Variants in NACC2 observed in about 807,000 individuals in gnomAD.
The protein encoded by NACC2 is nucleus accumbens-associated protein 2.
A neutral mutation model predicts 25.1 loss-of-function variants in NACC2; 8 were observed. That is an observed-to-expected ratio of 0.32 (90% CI 0.19 to 0.57). The LOEUF (loss-of-function observed/expected upper bound fraction) is 0.57, where lower values mean the gene tolerates loss of function less well. Among genes scored for constraint, NACC2 ranks in the 20% least tolerant of loss-of-function variants. NACC2 has a pLI of 0.89. For missense variants in NACC2, 644 were observed against 650.2 expected, an observed-to-expected ratio of 0.99 and a Z score of 0.10; for synonymous variants, 435 against 294.7, an observed-to-expected ratio of 1.48 and a Z score of -4.88.
At position 136,019,920 on chromosome 9, in the gene NACC2, G is replaced by A. The variant is rs749383559; in HGVS notation, c.887-3491C>T. On this transcript the variant is annotated intron_variant, in intron 2 of 5. Coordinates refer to ENST00000277554, the MANE Select transcript of NACC2 (RefSeq NM_144653.5). The surrounding 1 kb of genome is among the most constrained non-coding windows in gnomAD (Gnocchi z 5.2). ...TGCCAGACACAGAAGGACACATCCC[G>A]GGGCTCCACTCGCAGGCGGCCCCCA... Among the ~76,000 whole-genome samples the A allele has an allele frequency of 1.2e-4, 18 of 152,030 alleles. No individual in the cohort carries two copies. Among genetic ancestry groups the A allele is most frequent in the Non-Finnish European group, 2.4e-4 (16 of 68,002 alleles).
chr9:136,093,810 T>G (rs746453944), intron 1 of NACC2, among the ~76,000 whole-genome samples: 25 of 106,164 alleles, frequency 2.4e-4, no homozygotes, highest in Non-Finnish European at 4.5e-4. Context: ...GGTGGGTGGC[T>G]GAGAGGTGGC....
At chr9:136,070,426 G>A (rs1841136001) in intron 1 of NACC2, among the ~76,000 whole-genome samples, 1 of 151,762 alleles carries the variant, frequency 6.6e-6, no homozygotes, top group African/African-American at 2.4e-5. Flanking sequence ...AGAACTACTT[G>A]AACCCGGGAA....
rs979305346 is a variant in NACC2 at position 136,011,640 on chromosome 9, G to A, written c.1640C>T (p.Pro547Leu). The change falls in exon 6 of 6, where the codon CCG (proline) becomes CTG (leucine). Residue 547 changes from proline to leucine, a missense_variant. Physicochemically the swap from Pro to Leu is moderately conservative, Grantham distance 98 (BLOSUM62 -3). Transcript: ENST00000277554. ...GGGGCTCTGGCCATCGGCGGGCAGCGGCTCGGGGGCGGCCACCTCCTGGAT... is the reference window on the plus strand; with the variant it reads ...GGGGCTCTGGCCATCGGCGGGCAGCAGCTCGGGGGCGGCCACCTCCTGGAT... Reference protein sequence around the residue: ...SVIQEVAAPEPLPADGQSPPQ... With the variant: ...SVIQEVAAPELLPADGQSPPQ... 12 of 1,397,656 alleles carry A rather than the reference G, an allele frequency of 8.6e-6. No homozygotes were observed. Among genetic ancestry groups the A allele is most frequent in the African/African-American group, 6.1e-5 (4 of 65,542 alleles). 86.6% of individuals were successfully genotyped at this position (1,397,656 alleles called of 1,614,324 possible).
chr9:136,069,142 G>A lies in NACC2; in HGVS notation c.-59-18562C>T, dbSNP rs183404829. On this transcript the variant is annotated intron_variant, in intron 1 of 5. Transcript: ENST00000277554. ...AGGCTGGTCTCAAACTCCTGACCTT[G>A]TGATCTGCCCGCCTCGGCCTCCCAA... Among the ~76,000 whole-genome samples the A allele has an allele frequency of 4.9e-4, 72 of 147,178 alleles. No individual in the cohort carries two copies. In the East Asian group the frequency reaches 0.013, roughly 27 times the overall value.
Position 136,050,303 on chromosome 9 carries a change from C to T in NACC2, c.219G>A (p.Val73=). Residue 73 remains valine, a synonymous_variant, in exon 2 of 6, where the codon GTG becomes GTA. Coordinates refer to ENST00000277554, the MANE Select transcript of NACC2 (RefSeq NM_144653.5). ...GGATCTGCTGGAAGCAGGCGGGCGGCACGGAGCCGGGCAGCTCGAAGGCGC... is the reference window on the plus strand; with the variant it reads ...GGATCTGCTGGAAGCAGGCGGGCGGTACGGAGCCGGGCAGCTCGAAGGCGC... ...SKSAFELPGS[V]PPACFQQILS... The T allele has an allele frequency of 2.7e-6, 2 of 745,308 alleles. No individual in the cohort carries two copies. The highest frequency in any genetic ancestry group is 2.5e-6 in the Non-Finnish European group (1 of 404,598). The allele number at this position is 745,308 out of a possible 1,614,324, so 46.2% of individuals were successfully genotyped here. A position where few individuals can be genotyped will look rare whatever the true frequency, so the allele number is the denominator to read the frequency against.
At chr9:136,017,103 C>A (rs1347534008) in intron 2 of NACC2, among the ~76,000 whole-genome samples, 2 of 152,144 alleles carry the variant, frequency 1.3e-5, no homozygotes, top group Non-Finnish European at 2.9e-5. Flanking sequence ...TTGCCAATAG[C>A]CAGGCTGGCC....
At chr9:136,077,062 C>G (rs568958762) in intron 1 of NACC2, among the ~76,000 whole-genome samples, 1 of 151,436 alleles carries the variant, frequency 6.6e-6, no homozygotes, top group Non-Finnish European at 1.5e-5. Context: ...CGCCTGTAGT[C>G]CCAGCCACTT....
chr9:136,034,412 A>G (rs1840521829), intron 2 of NACC2, among the ~76,000 whole-genome samples: 1 of 151,952 alleles, frequency 6.6e-6, no homozygotes, highest in African/African-American at 2.4e-5. Flanking sequence ...GTCAGGAAGA[A>G]CCCCAGAGTG....
At chr9:136,058,574 GAAC>G (rs1840962961) in intron 1 of NACC2, among the ~76,000 whole-genome samples, 1 of 152,182 alleles carries the variant, frequency 6.6e-6, no homozygotes, top group Non-Finnish European at 1.5e-5. Context: ...CAGACTCTAG[GAAC>G]AACAGGATGA....
chr9:136,067,703 C>A (rs573430146), intron 1 of NACC2, among the ~76,000 whole-genome samples: 1 of 152,086 alleles, frequency 6.6e-6, no homozygotes, highest in Non-Finnish European at 1.5e-5. Context: ...AGCGTGGTGG[C>A]GGGCACCTGT....
chr9:136,013,857 G>A lies in NACC2; in HGVS notation c.1157+7C>T, dbSNP rs202049171. The A allele has an allele frequency of 5.6e-6, 9 of 1,611,306 alleles. No individual in the cohort carries two copies. The highest frequency in any genetic ancestry group is 3.3e-5 in the Admixed American group (2 of 59,934). On this transcript the variant is annotated splice_region_variant and intron_variant, in intron 4 of 5. Coordinates refer to ENST00000277554, the MANE Select transcript of NACC2 (RefSeq NM_144653.5). The surrounding 1 kb of genome is among the most constrained non-coding windows in gnomAD (Gnocchi z 6.6). The stretch of plus-strand genomic sequence containing the variant: ...TTGTGCCCTCCAGCACTCCTGCCCC[G>A]ACCTACCTGTCAAAGAAGGTGGCCA...
In NACC2 at chr9:136,055,086, G is replaced by A. The variant is rs1371373083; in HGVS notation, c.-59-4506C>T. 6.6e-6 allele frequency among the ~76,000 whole-genome samples: 1 copy of A among 152,156 alleles called. No homozygotes were observed. Among genetic ancestry groups the A allele is most frequent in the African/African-American group, 2.4e-5 (1 of 41,438 alleles). ...GAGTGGGGGGTCTCTCCTCTGCAGA[G>A]CCTCACTTGAGGAAGGCTGAGATCC... On this transcript the variant is annotated intron_variant, in intron 1 of 5. Coordinates refer to ENST00000277554, the MANE Select transcript of NACC2 (RefSeq NM_144653.5). This position sits in a 1 kb window ranked among gnomAD's most constrained non-coding sequence, Gnocchi z 4.9.
At position 136,055,781 on chromosome 9, in the gene NACC2, G is replaced by A. The variant is rs1056127872; in HGVS notation, c.-59-5201C>T. On this transcript the variant is annotated intron_variant, in intron 1 of 5. Transcript: ENST00000277554. The surrounding 1 kb of genome is among the most constrained non-coding windows in gnomAD (Gnocchi z 4.9). ...AGGCGGGGCACGGGAAACGTTCTGC[G>A]GAGGGGAGAGTCCCTCTACCCCGAG... is the stretch of plus-strand genomic sequence containing the variant. Among the ~76,000 whole-genome samples the A allele has an allele frequency of 2.6e-5, 4 of 152,200 alleles. No homozygotes were observed. The highest frequency in any genetic ancestry group is 7.2e-5 in the African/African-American group (3 of 41,450).
chr9:136,033,017 C>A (rs538249494), intron 2 of NACC2, among the ~76,000 whole-genome samples: 10 of 148,138 alleles, frequency 6.8e-5, no homozygotes, highest in Admixed American at 4.7e-4. Flanking sequence ...GATTCCATCT[C>A]AAAAAAAAAT....
At chr9:136,046,231 A>G (rs1840722559) in intron 2 of NACC2, among the ~76,000 whole-genome samples, 1 of 152,164 alleles carries the variant, frequency 6.6e-6, no homozygotes, top group East Asian at 1.9e-4. Context: ...GCATTTCGCA[A>G]TCTCTAGCTC....
chr9:136,028,870 T>C (rs770871255), intron 2 of NACC2, among the ~76,000 whole-genome samples: 8 of 152,200 alleles, frequency 5.3e-5, no homozygotes, highest in Non-Finnish European at 1.2e-4. Flanking sequence ...TGTCATGACC[T>C]GGCCAGGTGT....
At chr9:136,030,252 C>A (rs114916546) in intron 2 of NACC2, among the ~76,000 whole-genome samples, 1 of 152,062 alleles carries the variant, frequency 6.6e-6, no homozygotes, top group Non-Finnish European at 1.5e-5. Flanking sequence ...AAACAGGACA[C>A]GGGACAGATC....
intron 2 of NACC2, among the ~76,000 whole-genome samples, chr9:136,024,249 G>GGTGC (rs66977117): frequency 0.015 from 190 of 12,900 alleles, no homozygotes; most frequent in Middle Eastern, 0.062. Context: ...GAGGACAGAG[G>GGTGC]GTGTGTGTGA....
chr9:136,075,060 G>A (rs1323994966), intron 1 of NACC2, among the ~76,000 whole-genome samples: 8 of 152,228 alleles, frequency 5.3e-5, no homozygotes, highest in South Asian at 2.1e-4. Flanking sequence ...CCTCCAGGCC[G>A]ACGCTCTTGG....
Sources: gnomAD v4.1 joint callset for allele counts (sites outside exome capture counted in the v4.1 genomes callset) on GRCh38, gnomAD v4.1.1 for gene constraint, Gnocchi (gnomAD v3.1) non-coding constraint, MANE v1.5 for transcripts, NCBI Gene and HGNC (gene_info 2026-07-23, HGNC 2026-07-21) for gene names.